The following HIBCH variants were observed in gnomAD, a reference collection of about 807,000 sequenced individuals.
HIBCH encodes the protein 3-hydroxyisobutyryl-CoA hydrolase, mitochondrial.
Under a neutral mutation model 58.2 loss-of-function variants are expected in HIBCH, and 50 were observed. That is an observed-to-expected ratio of 0.86 (90% CI 0.68 to 1.09). The LOEUF (loss-of-function observed/expected upper bound fraction) is 1.09, where lower values mean the gene tolerates loss of function less well. Ranked by LOEUF, HIBCH falls within the 50% of genes least tolerant of loss-of-function variation. HIBCH has a pLI of 0.00. For missense variants in HIBCH, 450 were observed against 449.7 expected (o/e 1.00, Z -0.01); for synonymous variants, 151 against 146.9 (o/e 1.03, Z -0.20).
chr2:190,263,641 G>A (rs184158148), intron 6 of HIBCH, among the ~76,000 whole-genome samples: 4 of 152,150 alleles, frequency 2.6e-5, no homozygotes, highest in East Asian at 1.9e-4. Flanking sequence ...TTAACGTCTC[G>A]TCTTGAATGT....
intron 1 of HIBCH, chr2:190,311,026 C>A (rs565651796): frequency 3.0e-6 from 2 of 672,936 alleles, no homozygotes; most frequent in South Asian, 3.0e-5. Context: ...GTGGACGTAA[C>A]CAAGATGTTC....
At chr2:190,314,671 G>A (rs564304482) in intron 1 of HIBCH, among the ~76,000 whole-genome samples, 3 of 152,062 alleles carry the variant, frequency 2.0e-5, no homozygotes, top group African/African-American at 7.2e-5. Flanking sequence ...TAGAGACGAG[G>A]TTTCTCCATG....
downstream of HIBCH, chr2:190,200,638 TTCTTGACAC>T (rs1690205103): frequency 5.8e-6 from 1 of 172,288 alleles, no homozygotes; most frequent in Admixed American, 6.0e-5. Context: ...GGATCTCTAC[TTCTTGACAC>T]AAATGAACCC....
At chr2:190,249,386 G>A (rs1284478637) in intron 9 of HIBCH, among the ~76,000 whole-genome samples, 1 of 152,180 alleles carries the variant, frequency 6.6e-6, no homozygotes, top group Non-Finnish European at 1.5e-5. Flanking sequence ...TGCAAAGAAT[G>A]ATCACAAGGC....
At chr2:190,272,510 C>A (rs1184201322) in intron 6 of HIBCH, among the ~76,000 whole-genome samples, 1 of 152,178 alleles carries the variant, frequency 6.6e-6, no homozygotes, top group African/African-American at 2.4e-5. Context: ...TCCAAACCAA[C>A]ATGGTCAGGG....
chr2:190,207,514 A>G lies in HIBCH; in HGVS notation c.1045+1366T>C, dbSNP rs1690419224. Reference sequence around the variant, plus strand: ...TTGTATCATGTCAGAAATGAAGAGAACTCTATGAAGAGTGATTGTTTATCA... The same window carrying G: ...TTGTATCATGTCAGAAATGAAGAGAGCTCTATGAAGAGTGATTGTTTATCA... On this transcript the variant is annotated intron_variant, in intron 13 of 13. Coordinates refer to ENST00000359678, the MANE Select transcript of HIBCH (RefSeq NM_014362.4). This position sits in a 1 kb window ranked among gnomAD's most constrained non-coding sequence, Gnocchi z 4.5. Among the ~76,000 whole-genome samples, 1 of 152,216 alleles carries G rather than the reference A, an allele frequency of 6.6e-6. No individual in the cohort carries two copies. The highest frequency in any genetic ancestry group is 2.1e-4 in the South Asian group (1 of 4,826).
intron 7 of HIBCH, among the ~76,000 whole-genome samples, chr2:190,257,610 T>G (rs1686962513): frequency 6.6e-6 from 1 of 152,164 alleles, no homozygotes; most frequent in Non-Finnish European, 1.5e-5. Context: ...ATTATTGTCT[T>G]AGTCCATTTT....
rs1011870478 is a variant in HIBCH, at chr2:190,209,056, T to C, written c.1012-143A>G. ...CATTCAGAGACTGAACCACCTCTGA[T>C]AGCCCACTCTCTGATCACCACCTCC... On this transcript the variant is annotated intron_variant, in intron 12 of 13. Coordinates refer to ENST00000359678, the MANE Select transcript of HIBCH (RefSeq NM_014362.4). This position sits in a 1 kb window ranked among gnomAD's most constrained non-coding sequence, Gnocchi z 5.6. 16 of 724,404 alleles carry C rather than the reference T, an allele frequency of 2.2e-5. No individual in the cohort carries two copies. The highest frequency in any genetic ancestry group is 2.3e-4 in the Middle Eastern group (1 of 4,370). 44.9% of individuals were successfully genotyped at this position (724,404 alleles called of 1,614,324 possible).
At chr2:190,276,726 C>A (rs555343902) in intron 6 of HIBCH, among the ~76,000 whole-genome samples, 3 of 152,286 alleles carry the variant, frequency 2.0e-5, no homozygotes, top group East Asian at 3.9e-4. Flanking sequence ...GCACACCCTG[C>A]AGAACTGTGA....
rs6727847 is a variant in HIBCH at position 190,206,071 on chromosome 2, A to T, written c.1046-839T>A. On this transcript the variant is annotated intron_variant, in intron 13 of 13. Transcript: ENST00000359678. The surrounding 1 kb of genome is among the most constrained non-coding windows in gnomAD (Gnocchi z 5.1). ...GCACATAATTCTTGTGAAGAATGGA[A>T]ATATTTAAATGTGCAAACTATAGTG... 7.9e-3 allele frequency among the ~76,000 whole-genome samples: 1,208 copies of T among 152,332 alleles called. 18 individuals are homozygous for T. The highest frequency in any genetic ancestry group is 0.027 in the African/African-American group (1,126 of 41,572).
At chr2:190,222,842 T>C (rs1164334060) in intron 11 of HIBCH, among the ~76,000 whole-genome samples, 2 of 152,208 alleles carry the variant, frequency 1.3e-5, no homozygotes, top group Admixed American at 1.3e-4. Context: ...TGCAGCACTA[T>C]GCAAAATAGC....
intron 1 of HIBCH, 43 bp from the exon 2 acceptor site, chr2:190,310,839 G>C: frequency 7.2e-7 from 1 of 1,382,762 alleles, no homozygotes; most frequent in Non-Finnish European, 1.0e-6. Flanking sequence ...AATGTGGGTA[G>C]TCATGTCTCA....
rs568335430 is a variant in HIBCH, at chr2:190,281,231, A to G, written c.438+6355T>C. 5 of 152,402 alleles carry G rather than the reference A, an allele frequency of 3.3e-5. No homozygotes were observed. The highest frequency in any genetic ancestry group is 7.3e-5 in the Non-Finnish European group (5 of 68,116). 9.4% of individuals were successfully genotyped at this position (152,402 alleles called of 1,614,324 possible). On this transcript the variant is annotated intron_variant, in intron 6 of 13. Transcript: ENST00000359678. This position sits in a 1 kb window ranked among gnomAD's most constrained non-coding sequence, Gnocchi z 5.4. The stretch of plus-strand genomic sequence containing the variant: ...CCAGACTGTCTAATATATCCTTTGA[A>G]ATCTAGGGAGAGGCTCACATGCCTT...
Position 190,192,644 on chromosome 2 carries a change from T to C in HIBCH, c.*18-2647A>G, listed in dbSNP as rs575391947. 1.7e-4 allele frequency among the ~76,000 whole-genome samples: 26 copies of C among 152,246 alleles called. No homozygotes were observed. The East Asian group carries it at 4.8e-3, about 28-fold the overall frequency. On this transcript the variant is annotated intron_variant, in intron 1 of 1. Coordinates refer to the HIBCH transcript ENST00000399855. ...ACTAAGAATATTGTCTTTCAGATCA[T>C]GAACAGCATTTGTCTGTTTGTTTAG...
chr2:190,200,673 AAGAT>A (rs757248603), downstream of HIBCH: 1 of 170,048 alleles, frequency 5.9e-6, no homozygotes, highest in Non-Finnish European at 1.4e-5. Context: ...TTAATAAGAT[AAGAT>A]ATTTATTTTT....
intron 4 of HIBCH, among the ~76,000 whole-genome samples, chr2:190,293,879 CTT>C (rs893003334): frequency 1.2e-4 from 18 of 151,796 alleles, no homozygotes; most frequent in African/African-American, 4.1e-4. Context: ...CATTTCTTCT[CTT>C]TTGTCTTTAA....
At chr2:190,245,696 GA>G (rs77047754) in intron 10 of HIBCH, among the ~76,000 whole-genome samples, 5 of 150,668 alleles carry the variant, frequency 3.3e-5, no homozygotes, top group East Asian at 1.9e-4. Context: ...AAAGGTAAGT[GA>G]AAAAAAAACC....
chr2:190,201,056 A>AGAT (rs59377935), downstream of HIBCH: 47,795 of 166,848 alleles, frequency 0.29, 7,347 homozygotes, highest in East Asian at 0.48. Flanking sequence ...AAAATAGACC[A>AGAT]GATAATGCAT....
chr2:190,199,208 G>C (rs1249207454), downstream of HIBCH, among the ~76,000 whole-genome samples: 3 of 152,132 alleles, frequency 2.0e-5, no homozygotes, highest in African/African-American at 7.2e-5. Flanking sequence ...TCAGGACTCA[G>C]CAAACATTTT....
Sources: gnomAD v4.1 joint callset for allele counts (sites outside exome capture counted in the v4.1 genomes callset) on GRCh38, gnomAD v4.1.1 for gene constraint, Gnocchi (gnomAD v3.1) non-coding constraint, MANE v1.5 for transcripts, NCBI Gene and HGNC (gene_info 2026-07-23, HGNC 2026-07-21) for gene names.